The following AR variants were observed in gnomAD, a reference collection of about 807,000 sequenced individuals.
The protein encoded by AR is dihydrotestosterone receptor.
Under a neutral mutation model 53.9 loss-of-function variants are expected in AR, and 8 were observed. That is an observed-to-expected ratio of 0.15 (90% CI 0.09 to 0.27). The LOEUF (loss-of-function observed/expected upper bound fraction) is 0.27, where lower values mean the gene tolerates loss of function less well. AR is among the 10% of genes least tolerant of loss of function. The pLI is 1.00. For synonymous variants in AR, 359 were observed against 316.4 expected (o/e 1.13, Z -1.43); for missense variants, 639 against 742.5 (o/e 0.86, Z 1.62).
intron 5 of AR, among the ~76,000 whole-genome samples, chrX:67,718,153 TAA>T (rs1399817391): frequency 9.0e-6 from 1 of 111,523 alleles, no homozygotes; most frequent in Admixed American, 9.5e-5. Context: ...CTCAGCAAAA[TAA>T]AGTGACTCAC....
intron 3 of AR, among the ~76,000 whole-genome samples, chrX:67,689,342 G>A (rs2075983608): frequency 9.0e-6 from 1 of 111,019 alleles, no homozygotes; most frequent in African/African-American, 3.3e-5. Flanking sequence ...AGAGTGGAGG[G>A]CAGAAGGGCT....
rs1027642492 is a variant in AR, at chrX:67,717,496, T to A, written c.2192T>A (p.Val731Glu). ...TCTCCAGGCTTCCGCAACTTACACGTGGACGACCAGATGGCTGTCATTCAG... is the reference window on the plus strand; with the variant it reads ...TCTCCAGGCTTCCGCAACTTACACGAGGACGACCAGATGGCTGTCATTCAG... ...KALPGFRNLHVDDQMAVIQYS... is the reference protein window; with the variant it reads ...KALPGFRNLHEDDQMAVIQYS... The change falls in exon 5 of 8, where the codon GTG becomes GAG. Residue 731 changes from valine to glutamate, a missense_variant. This residue lies in a region of AR where 95 missense variants were observed against 196.4 expected (regional missense o/e 0.48). Coordinates refer to ENST00000374690, the MANE Select transcript of AR (RefSeq NM_000044.6). The A allele has an allele frequency of 1.7e-6, 2 of 1,211,942 alleles. No individual in the cohort carries two copies. The highest frequency in any genetic ancestry group is 2.2e-6 in the Non-Finnish European group (2 of 895,521).
intron 3 of AR, among the ~76,000 whole-genome samples, chrX:67,698,641 C>T (rs1346754029): frequency 8.9e-6 from 1 of 112,543 alleles, no homozygotes; most frequent in Admixed American, 9.4e-5. Flanking sequence ...ACCAAACACA[C>T]CTTTATGTTT....
intron 3 of AR, among the ~76,000 whole-genome samples, chrX:67,697,392 C>T (rs1447360829): frequency 9.0e-6 from 1 of 111,426 alleles, no homozygotes; most frequent in African/African-American, 3.3e-5. Flanking sequence ...GCAGAATTTA[C>T]TCTGTTCTAA....
rs985328297 is a variant in AR, at chrX:67,574,977, C to T, written c.1616+28215C>T. The stretch of plus-strand genomic sequence containing the variant: ...TAATAGAGCCAATTTTCTTTTTTTC[C>T]GGGGGGGATGACTTCTAACTAGTGA... On this transcript the variant is annotated intron_variant, in intron 1 of 7. Transcript: ENST00000374690. Among the ~76,000 whole-genome samples, 4 of 110,710 alleles carry T rather than the reference C, an allele frequency of 3.6e-5. No individual in the cohort carries two copies. In the South Asian group the frequency reaches 1.2e-3, roughly 32 times the overall value.
intron 1 of AR, among the ~76,000 whole-genome samples, chrX:67,611,324 A>G (rs1409109231): frequency 9.0e-6 from 1 of 111,478 alleles, no homozygotes; most frequent in Non-Finnish European, 1.9e-5. Flanking sequence ...GAAAATGATT[A>G]TCTTTTCACA....
At chrX:67,645,705 G>T (rs888005113) in intron 2 of AR, among the ~76,000 whole-genome samples, 1 of 110,299 alleles carries the variant, frequency 9.1e-6, no homozygotes. Flanking sequence ...GCCCTTTGAA[G>T]GTAGGAGAAG....
chrX:67,563,464 A>G (rs977041836), intron 1 of AR, among the ~76,000 whole-genome samples: 1 of 111,838 alleles, frequency 8.9e-6, no homozygotes, highest in African/African-American at 3.3e-5. Context: ...GGCCTGGTGC[A>G]TAGTACAAGC....
At chrX:67,574,353 T>A (rs549294451) in intron 1 of AR, among the ~76,000 whole-genome samples, 2 of 111,264 alleles carry the variant, frequency 1.8e-5, no homozygotes, top group African/African-American at 6.5e-5. Flanking sequence ...TTACACACTT[T>A]CCAGAAGTAA....
chrX:67,646,941 G>A (rs1046677645), intron 2 of AR, among the ~76,000 whole-genome samples: 1 of 111,117 alleles, frequency 9.0e-6, no homozygotes, highest in Non-Finnish European at 1.9e-5. Flanking sequence ...CCAGCTGAGA[G>A]AGTGTACTAT....
In AR at chrX:67,544,222, G is replaced by A. The variant is rs1247306822; in HGVS notation, c.-925G>A. The A allele has an allele frequency of 5.5e-5, 7 of 128,047 alleles. No homozygotes were observed. Among genetic ancestry groups the A allele is most frequent in the Admixed American group, 2.7e-4 (3 of 10,974 alleles). 10.6% of individuals were successfully genotyped at this position (128,047 alleles called of 1,213,427 possible). On this transcript the variant is annotated 5_prime_UTR_variant, in exon 1 of 8. Transcript: ENST00000374690. ...ACGCCTCTTGCAGCGCGGCGGCTTC[G>A]AAGCCGCCGCCCGGAGCTGCCCTTT...
intron 1 of AR, among the ~76,000 whole-genome samples, chrX:67,627,130 C>G (rs1425436422): frequency 3.6e-5 from 4 of 110,591 alleles, no homozygotes; most frequent in Middle Eastern, 4.6e-3. Context: ...ATTTATAGTC[C>G]TTTGGGTATA....
intron 3 of AR, among the ~76,000 whole-genome samples, chrX:67,700,968 T>C (rs2076039902): frequency 8.9e-6 from 1 of 111,779 alleles, no homozygotes; most frequent in East Asian, 2.8e-4. Flanking sequence ...GATTTATTTC[T>C]TCTTTATCAA....
chrX:67,545,278 C>A lies in AR; in HGVS notation c.132C>A (p.Ala44=), dbSNP rs2147314358. ...ACCCGGGCCCCAGGCACCCAGAGGC[C>A]GCGAGCGCAGCACCTCCCGGCGCCA... The part of the protein sequence containing the change: ...IQNPGPRHPE[A]ASAAPPGASL... The change falls in exon 1 of 8, where the codon GCC becomes GCA. Residue 44 remains alanine, a synonymous_variant. Transcript: ENST00000374690. The A allele has an allele frequency of 8.3e-7, 1 of 1,207,182 alleles. No individual in the cohort carries two copies. The highest frequency in any genetic ancestry group is 1.1e-6 in the Non-Finnish European group (1 of 894,101).
intron 1 of AR, among the ~76,000 whole-genome samples, chrX:67,602,200 T>A (rs1923402812): frequency 8.9e-6 from 1 of 112,401 alleles, no homozygotes; most frequent in Non-Finnish European, 1.9e-5. Context: ...CTAAGCTATC[T>A]CTACTCAGTC....
intron 2 of AR, among the ~76,000 whole-genome samples, chrX:67,659,210 C>G (rs1301679435): frequency 1.8e-5 from 2 of 110,205 alleles, no homozygotes; most frequent in African/African-American, 6.6e-5. Context: ...CATTGAGACT[C>G]AATTTCTCTT....
chrX:67,618,749 T>G (rs766964452), intron 1 of AR, among the ~76,000 whole-genome samples: 103 of 110,887 alleles, frequency 9.3e-4, no homozygotes, highest in African/African-American at 3.3e-3. Flanking sequence ...ACCTGAGTTA[T>G]GAGATGATGT....
intron 3 of AR, among the ~76,000 whole-genome samples, chrX:67,708,841 G>A (rs1045281708): frequency 1.3e-4 from 15 of 112,147 alleles, no homozygotes; most frequent in Non-Finnish European, 1.9e-5. Flanking sequence ...CTTTCTGTTT[G>A]TTAGTTTTCC....
intron 2 of AR, among the ~76,000 whole-genome samples, chrX:67,684,482 CT>C (rs2075954916): frequency 9.0e-6 from 1 of 110,990 alleles, no homozygotes; most frequent in Non-Finnish European, 1.9e-5. Flanking sequence ...CAGTGTGCTT[CT>C]TCAGGTAAGT....
Sources: gnomAD v4.1 joint callset for allele counts (sites outside exome capture counted in the v4.1 genomes callset) on GRCh38, gnomAD v4.1.1 for gene constraint, gnomAD v4.1.1 regional missense constraint, MANE v1.5 for transcripts, NCBI Gene and HGNC (gene_info 2026-07-23, HGNC 2026-07-21) for gene names.